The following GPD2 variants were observed in gnomAD, a reference collection of about 807,000 sequenced individuals.
GPD2 encodes glycerol-3-phosphate dehydrogenase, mitochondrial.
Under a neutral mutation model 82.4 loss-of-function variants are expected in GPD2, and 54 were observed. That is an observed-to-expected ratio of 0.66 (90% CI 0.53 to 0.82). The LOEUF (loss-of-function observed/expected upper bound fraction) is 0.82, where lower values mean the gene tolerates loss of function less well. Ranked by LOEUF, GPD2 falls within the 40% of genes least tolerant of loss-of-function variation. The pLI is 0.00. For synonymous variants in GPD2, 288 were observed against 306.1 expected (o/e 0.94, Z 0.62); for missense variants, 748 against 896.2 (o/e 0.83, Z 2.11).
chr2:156,542,512 A>G (rs2105324113), intron 6 of GPD2, among the ~76,000 whole-genome samples: 1 of 152,330 alleles, frequency 6.6e-6, no homozygotes, highest in South Asian at 2.1e-4. Flanking sequence ...GCCAAAATGT[A>G]CATCAACCCA....
chr2:156,497,748 T>C (rs1173431616), intron 3 of GPD2, among the ~76,000 whole-genome samples: 2 of 152,182 alleles, frequency 1.3e-5, no homozygotes, highest in East Asian at 1.9e-4. Context: ...TTTTTGTCAA[T>C]GCTAAATAAT....
intron 1 of GPD2, among the ~76,000 whole-genome samples, chr2:156,455,330 A>G (rs1054212913): frequency 6.6e-5 from 10 of 152,232 alleles, no homozygotes; most frequent in Admixed American, 1.3e-4. Context: ...CCTACTAGGA[A>G]TGTTATGAAG....
At chr2:156,481,648 CTT>C (rs869063014) in intron 2 of GPD2, among the ~76,000 whole-genome samples, 12 of 141,568 alleles carry the variant, frequency 8.5e-5, no homozygotes, top group Non-Finnish European at 6.2e-5. Flanking sequence ...CATTCTTTTT[CTT>C]TTTTTTTTTT....
Position 156,572,095 on chromosome 2 carries a change from C to T in GPD2, c.1767+803C>T, listed in dbSNP as rs190663102. On this transcript the variant is annotated intron_variant, in intron 13 of 16. Transcript: ENST00000438166. ...CAGCATTTGACACAATTGATTCCCC[C>T]TTCCTTCTTGAACAATATTTTGCTT... 2.7e-3 allele frequency among the ~76,000 whole-genome samples: 408 copies of T among 152,196 alleles called. 1 individual carries two copies. Among genetic ancestry groups the T allele is most frequent in the Middle Eastern group, 0.01 (3 of 294 alleles).
intron 1 of GPD2, among the ~76,000 whole-genome samples, chr2:156,462,558 T>C (rs1683026669): frequency 6.6e-6 from 1 of 151,912 alleles, no homozygotes; most frequent in Non-Finnish European, 1.5e-5. Context: ...TGCCTTGGCT[T>C]CCCAAAGTGC....
At chr2:156,511,118 G>A (rs1258068045) in intron 4 of GPD2, among the ~76,000 whole-genome samples, 198 bp downstream of exon 4, 1 of 152,120 alleles carries the variant, frequency 6.6e-6, no homozygotes, top group East Asian at 1.9e-4. Flanking sequence ...GGGTAATCAG[G>A]GGCTTTTTCT....
intron 2 of GPD2, among the ~76,000 whole-genome samples, chr2:156,493,480 A>G (rs1008996921): frequency 6.6e-6 from 1 of 152,122 alleles, no homozygotes; most frequent in African/African-American, 2.4e-5. Flanking sequence ...CTTGGTGATG[A>G]GAAGGACAAG....
At chr2:156,474,382 T>C (rs185049080) in intron 1 of GPD2, among the ~76,000 whole-genome samples, 2 of 152,342 alleles carry the variant, frequency 1.3e-5, no homozygotes, top group Admixed American at 1.3e-4. Flanking sequence ...ATAATTTATG[T>C]TGAGATACTG....
intron 6 of GPD2, among the ~76,000 whole-genome samples, chr2:156,532,274 T>C (rs1215537239): frequency 6.6e-6 from 1 of 152,228 alleles, no homozygotes; most frequent in African/African-American, 2.4e-5. Flanking sequence ...CCCAAAGTGC[T>C]GGGATTACAG....
intron 1 of GPD2, among the ~76,000 whole-genome samples, chr2:156,447,469 G>A (rs956786048): frequency 1.3e-5 from 2 of 151,978 alleles, no homozygotes; most frequent in African/African-American, 4.8e-5. Context: ...TGAGTGGCTG[G>A]GACCCCAGGT....
chr2:156,551,011 A>G (rs897068270), intron 8 of GPD2, among the ~76,000 whole-genome samples: 3 of 152,204 alleles, frequency 2.0e-5, no homozygotes. Context: ...GAGACTAAGC[A>G]TTGGTATTTT....
At chr2:156,468,546 G>T (rs562580349) in intron 1 of GPD2, among the ~76,000 whole-genome samples, 99 of 152,286 alleles carry the variant, frequency 6.5e-4, no homozygotes, top group African/African-American at 2.3e-3. Context: ...ACCACAAAAG[G>T]CTTAGGTAAA....
intron 8 of GPD2, among the ~76,000 whole-genome samples, chr2:156,555,804 A>G (rs770691248): frequency 4.6e-5 from 7 of 152,196 alleles, no homozygotes; most frequent in Non-Finnish European, 8.8e-5. Flanking sequence ...AGTAACCCTG[A>G]GTGAAGGTGG....
intron 3 of GPD2, among the ~76,000 whole-genome samples, chr2:156,508,917 A>G (rs1684883100): frequency 6.6e-6 from 1 of 152,192 alleles, no homozygotes; most frequent in Admixed American, 6.5e-5. Flanking sequence ...CTTGGCCTCT[A>G]TTAAACTGCT....
chr2:156,541,468 C>A (rs983633805), intron 6 of GPD2, among the ~76,000 whole-genome samples: 2 of 152,164 alleles, frequency 1.3e-5, no homozygotes, highest in African/African-American at 4.8e-5. Context: ...CACAGTAGTA[C>A]TTAGCTTAGT....
intron 9 of GPD2, among the ~76,000 whole-genome samples, chr2:156,560,682 T>C (rs933441475): frequency 4.0e-4 from 61 of 152,162 alleles, no homozygotes; most frequent in African/African-American, 1.4e-3. Flanking sequence ...TAGTAAAGAG[T>C]ATCAGTTAGC....
chr2:156,455,176 G>C (rs760373838), intron 1 of GPD2, among the ~76,000 whole-genome samples: 1 of 152,050 alleles, frequency 6.6e-6, no homozygotes, highest in African/African-American at 2.4e-5. Context: ...CAGGAGTTGC[G>C]TCCAGTCTCC....
At chr2:156,411,978 C>T in the GPD2 span, among the ~76,000 whole-genome samples, 1 of 152,128 alleles carries the variant, frequency 6.6e-6, no homozygotes, top group Non-Finnish European at 1.5e-5. Flanking sequence ...TTCAGTTTAC[C>T]ATCCGGAGCA....
chr2:156,491,576 T>A (rs968029638), intron 2 of GPD2, among the ~76,000 whole-genome samples: 1 of 152,206 alleles, frequency 6.6e-6, no homozygotes, highest in African/African-American at 2.4e-5. Context: ...AGGTAAAGGA[T>A]GTTTTAGTTT....
Sources: gnomAD v4.1 joint callset for allele counts (sites outside exome capture counted in the v4.1 genomes callset) on GRCh38, gnomAD v4.1.1 for gene constraint, MANE v1.5 for transcripts, NCBI Gene and HGNC (gene_info 2026-07-23, HGNC 2026-07-21) for gene names.